CTTNBP2: variants seen among roughly 807,000 people sequenced by gnomAD.
CTTNBP2 encodes the protein cortactin-binding protein 2.
In CTTNBP2, 108 loss-of-function variants were observed where a neutral mutation model predicts 156.9. The ratio of observed to expected loss-of-function variants is 0.69; its 90% CI spans 0.59 to 0.81. The LOEUF (loss-of-function observed/expected upper bound fraction) is 0.81. Among genes scored for constraint, CTTNBP2 ranks in the 30% least tolerant of loss-of-function variants. CTTNBP2 has a pLI of 0.00. For synonymous variants in CTTNBP2, 767 were observed against 751.8 expected (o/e 1.02, Z -0.33); for missense variants, 1,924 against 2,035.4 (o/e 0.95, Z 1.05).
intron 22 of CTTNBP2, chr7:117,713,667 C>T (rs972212802): frequency 6.6e-6 from 1 of 152,192 alleles, no homozygotes; most frequent in Non-Finnish European, 1.5e-5. Context: ...CTCCAATCCC[C>T]TTTAAATCCT....
At chr7:117,787,274 T>C (rs2116834541) in intron 4 of CTTNBP2, among the ~76,000 whole-genome samples, 1 of 152,304 alleles carries the variant, frequency 6.6e-6, no homozygotes, top group African/African-American at 2.4e-5. Flanking sequence ...GTCAATCAGT[T>C]TTGCAGTGTC....
chr7:117,803,398 G>T (rs1799742969), intron 3 of CTTNBP2, among the ~76,000 whole-genome samples: 1 of 152,104 alleles, frequency 6.6e-6, no homozygotes, highest in Non-Finnish European at 1.5e-5. Context: ...AGAGGGGAAA[G>T]GGGAAAGGAC....
At chr7:117,803,275 G>C (rs1799737072) in intron 3 of CTTNBP2, among the ~76,000 whole-genome samples, 1 of 152,204 alleles carries the variant, frequency 6.6e-6, no homozygotes. Flanking sequence ...ATTATTCTAA[G>C]TGAACTAATG....
intron 2 of CTTNBP2, among the ~76,000 whole-genome samples, chr7:117,838,966 G>A (rs893942213): frequency 1.4e-5 from 1 of 73,908 alleles, no homozygotes; most frequent in Non-Finnish European, 2.4e-5. Context: ...CATTGCGGGG[G>A]CGGGGGGGGG....
intron 2 of CTTNBP2, among the ~76,000 whole-genome samples, chr7:117,860,501 C>T (rs1047968285): frequency 1.3e-5 from 2 of 152,008 alleles, no homozygotes; most frequent in African/African-American, 4.8e-5. Context: ...CGCCACCATG[C>T]CCGGCTAATT....
At chr7:117,771,145 G>A (rs1167027537) in intron 8 of CTTNBP2, among the ~76,000 whole-genome samples, 1 of 152,092 alleles carries the variant, frequency 6.6e-6, no homozygotes. Context: ...ACCAAGGACA[G>A]AGGAGAGGTT....
chr7:117,834,118 A>C (rs959773147), intron 2 of CTTNBP2, among the ~76,000 whole-genome samples: 1 of 151,418 alleles, frequency 6.6e-6, no homozygotes, highest in Admixed American at 6.6e-5. Flanking sequence ...GCAGTGGCAC[A>C]ATCTTGGCTC....
At chr7:117,860,251 G>A (rs879442293) in intron 2 of CTTNBP2, among the ~76,000 whole-genome samples, 20 of 152,078 alleles carry the variant, frequency 1.3e-4, no homozygotes, top group Non-Finnish European at 1.8e-4. Flanking sequence ...ACCAAATTAT[G>A]TTTGATCTAC....
chr7:117,741,000 G>A (rs550204943), intron 14 of CTTNBP2, among the ~76,000 whole-genome samples: 28 of 152,298 alleles, frequency 1.8e-4, no homozygotes, highest in African/African-American at 6.3e-4. Flanking sequence ...AGTCCACAAT[G>A]TTCCTGATGT....
intron 2 of CTTNBP2, among the ~76,000 whole-genome samples, chr7:117,849,437 C>T (rs907322124): frequency 6.6e-6 from 1 of 152,130 alleles, no homozygotes; most frequent in Non-Finnish European, 1.5e-5. Flanking sequence ...GGTATGGAAA[C>T]CACACTTGGA....
chr7:117,826,298 T>TTTG (rs1183222467), intron 2 of CTTNBP2, among the ~76,000 whole-genome samples: 1 of 152,054 alleles, frequency 6.6e-6, no homozygotes, highest in Non-Finnish European at 1.5e-5. Context: ...TAATAAATCT[T>TTTG]TTCAAGAGAT....
Position 117,810,882 on chromosome 7 carries a change from C to T in CTTNBP2, c.297G>A (p.Glu99=). ...GGGGGTTGGTACAAACTGGCTTCTT[C>T]TCTTTGTCACCAGCACCTGCTTCAT... The part of the protein sequence containing the change: ...RDYEAGAGDK[E]KKPVCTNPLS... Residue 99 remains glutamate (E), a synonymous_variant, in exon 3 of 23, where the codon GAG becomes GAA. Transcript: ENST00000160373. 6.2e-7 allele frequency: 1 copy of T among 1,614,148 alleles called. No homozygotes were observed. Among genetic ancestry groups the T allele is most frequent in the African/African-American group, 1.3e-5 (1 of 75,038 alleles).
chr7:117,819,876 T>C (rs1233509552), intron 2 of CTTNBP2, among the ~76,000 whole-genome samples: 2 of 152,208 alleles, frequency 1.3e-5, no homozygotes, highest in East Asian at 3.9e-4. Context: ...AAGACTTTGA[T>C]TTATTTTGTT....
intron 21 of CTTNBP2, 74 bp from the exon 22 acceptor site, chr7:117,718,193 G>A: frequency 1.1e-6 from 1 of 880,412 alleles, no homozygotes; most frequent in Admixed American, 1.9e-5. Context: ...GCTAAATGGT[G>A]GAGAAATCAC....
chr7:117,847,047 C>T (rs1162887053), intron 2 of CTTNBP2, among the ~76,000 whole-genome samples: 2 of 151,930 alleles, frequency 1.3e-5, no homozygotes, highest in East Asian at 3.9e-4. Flanking sequence ...CAATGATGCC[C>T]TGCAAAAGTC....
intron 3 of CTTNBP2, among the ~76,000 whole-genome samples, chr7:117,793,933 CCT>C (rs1799174814): frequency 6.6e-6 from 1 of 152,172 alleles, no homozygotes; most frequent in African/African-American, 2.4e-5. Flanking sequence ...CCCTCACCAC[CCT>C]GTGGGAAATA....
Position 117,791,889 on chromosome 7 carries a change from G to A in CTTNBP2, c.1307C>T (p.Ser436Phe), listed in dbSNP as rs1266724644. The A allele has an allele frequency of 1.2e-6, 2 of 1,614,206 alleles. No individual in the cohort carries two copies. The highest frequency in any genetic ancestry group is 1.7e-5 in the Admixed American group (1 of 60,028). ...TCGTGGGTTTAGACCTGGATGCAAA[G>A]AGGTGTTGGCACATGGTGAATGTAA... ...HSLHSPCANT[S>F]LHPGLNPRIQ... The change falls in exon 4 of 23, where the codon TCT becomes TTT. Residue 436 changes from serine to phenylalanine, a missense_variant. Ser to Phe is a radical substitution (Grantham distance 155). Transcript: ENST00000160373.
At chr7:117,780,369 T>A (rs1239683804) in intron 7 of CTTNBP2, 72 bp downstream of exon 7, 1 of 1,027,310 alleles carries the variant, frequency 9.7e-7, no homozygotes, top group African/African-American at 1.7e-5. Context: ...TTATTTTGTT[T>A]TTCTAGTTAT....
At chr7:117,791,106 T>C in intron 4 of CTTNBP2, 22 bp downstream of exon 4, 1 of 1,585,472 alleles carries the variant, frequency 6.3e-7, no homozygotes, top group Non-Finnish European at 8.6e-7. Context: ...TTAAAAAGCG[T>C]ATAACATTTC....
Sources: gnomAD v4.1 joint callset for allele counts (sites outside exome capture counted in the v4.1 genomes callset) on GRCh38, gnomAD v4.1.1 for gene constraint, MANE v1.5 for transcripts, NCBI Gene and HGNC (gene_info 2026-07-23, HGNC 2026-07-21) for gene names.